The following RABL6 variants were observed in gnomAD, a reference collection of about 807,000 sequenced individuals.
RABL6 encodes rab-like protein 6.
A neutral mutation model predicts 72.9 loss-of-function variants in RABL6; 28 were observed. That is an observed-to-expected ratio of 0.38 (90% CI 0.28 to 0.53). The LOEUF is 0.53. Ranked by LOEUF, RABL6 falls within the 20% of genes least tolerant of loss-of-function variation. The pLI is 0.80. For synonymous variants in RABL6, 477 were observed against 421.2 expected (o/e 1.13, Z -1.62); for missense variants, 1,029 against 1,008.4 (o/e 1.02, Z -0.28).
intron 1 of RABL6, chr9:136,822,068 T>A: frequency 7.8e-7 from 1 of 1,288,298 alleles, no homozygotes; most frequent in Non-Finnish European, 1.0e-6. Flanking sequence ...TGCCTTGAGG[T>A]AGAGGGAGGG....
intron 1 of RABL6, among the ~76,000 whole-genome samples, chr9:136,810,729 G>A (rs1588343982): frequency 6.6e-6 from 1 of 152,134 alleles, no homozygotes; most frequent in East Asian, 1.9e-4. Context: ...TTTTAGTAGA[G>A]GCAGGATTTC....
intron 1 of RABL6, chr9:136,821,857 G>A: frequency 2.4e-6 from 3 of 1,235,172 alleles, no homozygotes; most frequent in Non-Finnish European, 3.1e-6. Flanking sequence ...CGGGAGAAGC[G>A]CGGAGCCTCC....
chr9:136,817,565 CGTG>C (rs1256557900), intron 1 of RABL6, among the ~76,000 whole-genome samples: 6 of 106,802 alleles, frequency 5.6e-5, no homozygotes, highest in Non-Finnish European at 8.3e-5. Flanking sequence ...GGGAGGCCGA[CGTG>C]GGCTGTGGGG....
chr9:136,818,492 C>G (rs1848173104), intron 1 of RABL6, among the ~76,000 whole-genome samples: 1 of 150,646 alleles, frequency 6.6e-6, no homozygotes, highest in South Asian at 2.1e-4. Context: ...ACCTGTAATC[C>G]CAACACTTTG....
In RABL6 at chr9:136,839,292, G is replaced by A; in HGVS notation, c.1564G>A (p.Gly522Ser). ...GAGGACCGCAGCACCCCCCTGGCCA[G>A]GCGGTGTCTCTGTTCGCACAGGTCC... is the stretch of plus-strand genomic sequence containing the variant. ...PTRTAAPPWP[G>S]GVSVRTGPEK... Residue 522 changes from glycine to serine, a missense_variant, in exon 12 of 15, where the codon GGC becomes AGC. This residue lies in a region of RABL6 where 595 missense variants were observed against 472.4 expected (regional missense o/e 1.26). Transcript: ENST00000311502. 1 of 1,611,532 alleles carries A rather than the reference G, an allele frequency of 6.2e-7. No homozygotes were observed. The highest frequency in any genetic ancestry group is 8.5e-7 in the Non-Finnish European group (1 of 1,179,412).
intron 1 of RABL6, chr9:136,821,621 G>T: frequency 1.0e-6 from 1 of 987,314 alleles, no homozygotes; most frequent in Non-Finnish European, 1.2e-6. Flanking sequence ...TTCCTGCCTC[G>T]GGCCGGAGGA....
intron 1 of RABL6, among the ~76,000 whole-genome samples, chr9:136,810,242 C>T (rs973292106): frequency 1.3e-5 from 2 of 152,106 alleles, no homozygotes; most frequent in African/African-American, 4.8e-5. Context: ...AAAAGGCTCC[C>T]CGAGGGTCCT....
At chr9:136,810,630 C>T (rs1229509289) in intron 1 of RABL6, among the ~76,000 whole-genome samples, 1 of 152,162 alleles carries the variant, frequency 6.6e-6, no homozygotes, top group Non-Finnish European at 1.5e-5. Flanking sequence ...CAAGCTCCTC[C>T]TCCCGGGTTC....
chr9:136,832,426 TGTCTCCTGTGTAGCAACGG>T, intron 7 of RABL6, 56 bp downstream of exon 7: 1 of 1,364,792 alleles, frequency 7.3e-7, no homozygotes, highest in Non-Finnish European at 1.0e-6. Context: ...TCCTTCCAGG[TGTCTCCTGTGTAGCAACGG>T]GTCTCCCTCC....
At chr9:136,820,200 CAAAAAA>C (rs34975162) in intron 1 of RABL6, among the ~76,000 whole-genome samples, 123 of 77,844 alleles carry the variant, frequency 1.6e-3, no homozygotes, top group African/African-American at 5.8e-3. Flanking sequence ...CTCCATCTTC[CAAAAAA>C]AAAAAAAAAA....
intron 1 of RABL6, chr9:136,809,346 A>ATG (rs1486806043): frequency 5.2e-6 from 1 of 192,988 alleles, no homozygotes; most frequent in Admixed American, 6.2e-5. Context: ...GACAGTGAAG[A>ATG]TGTCGCCTTC....
At chr9:136,814,045 A>G in intron 1 of RABL6, 2 of 395,098 alleles carry the variant, frequency 5.1e-6, no homozygotes, top group Non-Finnish European at 5.0e-6. Flanking sequence ...TTCATTGCCA[A>G]AGTCTTTCAA....
intron 7 of RABL6, chr9:136,835,041 A>C (rs894146621): frequency 1.3e-5 from 2 of 151,130 alleles, no homozygotes; most frequent in Non-Finnish European, 2.9e-5. Flanking sequence ...AGCTGGGAGG[A>C]TCACTTGAGT....
chr9:136,831,502 G>T (rs1017167138), intron 5 of RABL6, among the ~76,000 whole-genome samples: 1 of 152,134 alleles, frequency 6.6e-6, no homozygotes, highest in Non-Finnish European at 1.5e-5. Context: ...AGTACCTGCC[G>T]TCAGGGAGAG....
At position 136,831,741 on chromosome 9, in the gene RABL6, G is replaced by T; in HGVS notation, c.479G>T (p.Arg160Leu). Residue 160 changes from arginine to leucine, a missense_variant, in exon 6 of 15, where the codon CGG becomes CTG. Physicochemically the swap from Arg to Leu is moderately radical, Grantham distance 102. Around this residue, in one of 2 missense-constraint regions of RABL6, gnomAD observed 434 missense variants for 536.1 expected, o/e 0.81. Transcript: ENST00000311502. ...TKQWTFNYIL[R>L]ELPKVPTHVP... Reference sequence around the variant, plus strand: ...CCGAGGACCTTCAATTACATTCTCCGGGAGCTTCCAAAAGTGCCCACCCAC... The same window carrying T: ...CCGAGGACCTTCAATTACATTCTCCTGGAGCTTCCAAAAGTGCCCACCCAC... 1 of 1,613,330 alleles carries T rather than the reference G, an allele frequency of 6.2e-7. No homozygotes were observed. Among genetic ancestry groups the T allele is most frequent in the Non-Finnish European group, 8.5e-7 (1 of 1,179,834 alleles).
In RABL6 at chr9:136,808,254, A is replaced by C. The variant is rs1298377093; in HGVS notation, c.58A>C (p.Asn20His). The C allele has an allele frequency of 1.9e-6, 3 of 1,566,100 alleles. No individual in the cohort carries two copies. Among genetic ancestry groups the C allele is most frequent in the Non-Finnish European group, 1.7e-6 (2 of 1,157,624 alleles). Residue 20 changes from asparagine to histidine, a missense_variant, in exon 1 of 15, where the codon AAC becomes CAC. Asn to His is a moderately conservative substitution (Grantham distance 68, BLOSUM62 1). Around this residue, in one of 2 missense-constraint regions of RABL6, gnomAD observed 434 missense variants for 536.1 expected, o/e 0.81. Coordinates refer to ENST00000311502, the MANE Select transcript of RABL6 (RefSeq NM_024718.5). ...GSDQAPGRDK[N>H]IPAGLQSMNQ... The stretch of plus-strand genomic sequence containing the variant: ...GGACCAGGCCCCGGGCCGGGACAAG[A>C]ACATCCCCGCCGGGCTGCAGTCCAT...
intron 1 of RABL6, among the ~76,000 whole-genome samples, chr9:136,819,792 G>A (rs1275774262): frequency 2.0e-5 from 3 of 152,192 alleles, no homozygotes; most frequent in East Asian, 1.9e-4. Flanking sequence ...CACTGGTGCC[G>A]TGGCTTATAC....
At chr9:136,832,773 G>A in intron 7 of RABL6, 1 of 334,568 alleles carries the variant, frequency 3.0e-6, no homozygotes, top group Non-Finnish European at 5.8e-6. Flanking sequence ...GGGATGCCAG[G>A]CGTGAGTCAC....
rs1262596742 is a variant in RABL6, at chr9:136,838,965, A to C, written c.1337A>C (p.Asp446Ala). ...PMVAGFQDDV[D>A]LEDQPRGSPP... ...GTGGCAGGGTTCCAGGACGATGTGG[A>C]CCTCGAAGACCAGCCACGTGGGAGT... Residue 446 changes from aspartate to alanine, a missense_variant, in exon 11 of 15, where the codon GAC becomes GCC. Transcript: ENST00000311502. 6.2e-7 allele frequency: 1 copy of C among 1,610,936 alleles called. No homozygotes were observed. The highest frequency in any genetic ancestry group is 1.7e-5 in the Admixed American group (1 of 59,828).
Sources: gnomAD v4.1 joint callset for allele counts (sites outside exome capture counted in the v4.1 genomes callset) on GRCh38, gnomAD v4.1.1 for gene constraint, gnomAD v4.1.1 regional missense constraint, MANE v1.5 for transcripts, NCBI Gene and HGNC (gene_info 2026-07-23, HGNC 2026-07-21) for gene names.